The following SLC35E3 variants were observed in gnomAD, a reference collection of about 807,000 sequenced individuals.
SLC35E3 encodes the protein solute carrier family 35 member E3, also known as bladder cancer-overexpressed gene 1 protein.
SLC35E3 carries 28 observed loss-of-function variants against 30.8 expected under a neutral mutation model. The ratio of observed to expected loss-of-function variants is 0.91; its 90% CI spans 0.67 to 1.25. The LOEUF (loss-of-function observed/expected upper bound fraction) is 1.25, where lower values mean the gene tolerates loss of function less well. Ranked by LOEUF, SLC35E3 falls within the 50% of genes most tolerant of loss-of-function variation. The probability of loss-of-function intolerance (pLI) is 0.00; values close to 1 mark genes in which losing one functional copy is unlikely to be tolerated. For missense variants in SLC35E3, 365 were observed against 375.4 expected (o/e 0.97, Z 0.23); for synonymous variants, 146 against 149.2 (o/e 0.98, Z 0.16).
At position 68,778,195 on chromosome 12, in the gene SLC35E3, T is replaced by C. The variant is rs568314164; in HGVS notation, c.*13305T>C. On this transcript the variant is annotated 3_prime_UTR_variant, in exon 5 of 5. Transcript: ENST00000398004. ...ACAAAATAGAATTTGAGGCAAAAAGTGTTAATAGGATCAAGATTTTTTTTT... is the reference window on the plus strand; with the variant it reads ...ACAAAATAGAATTTGAGGCAAAAAGCGTTAATAGGATCAAGATTTTTTTTT... The C allele has an allele frequency of 6.6e-6, 1 of 151,908 alleles. No individual in the cohort carries two copies. The highest frequency in any genetic ancestry group is 1.9e-4 in the East Asian group (1 of 5,188). The allele number at this position is 151,908 out of a possible 1,614,324, so 9.4% of individuals were successfully genotyped here.
intron 4 of SLC35E3, among the ~76,000 whole-genome samples, chr12:68,763,034 G>A (rs1017688542): frequency 3.3e-5 from 5 of 152,218 alleles, no homozygotes; most frequent in Non-Finnish European, 5.9e-5. Context: ...GAGGAAGTAC[G>A]ATCTATGATG....
chr12:68,775,909 T>G lies in SLC35E3; in HGVS notation c.*11019T>G, dbSNP rs1291709958. 1.7e-5 allele frequency: 2 copies of G among 118,736 alleles called. No homozygotes were observed. The highest frequency in any genetic ancestry group is 6.6e-5 in the African/African-American group (2 of 30,122). 7.4% of individuals were successfully genotyped at this position (118,736 alleles called of 1,614,324 possible). A position where few individuals can be genotyped will look rare whatever the true frequency, so the allele number is the denominator to read the frequency against. On this transcript the variant is annotated 3_prime_UTR_variant, in exon 5 of 5. Transcript: ENST00000398004. Reference sequence around the variant, plus strand: ...GTTGCAGTAAGCTGGAATCACACTATTACACTCCAGCCTGGGTGACAAGAG... The same window carrying G: ...GTTGCAGTAAGCTGGAATCACACTAGTACACTCCAGCCTGGGTGACAAGAG...
At chr12:68,755,205 C>T (rs1377032843) in intron 3 of SLC35E3, among the ~76,000 whole-genome samples, 1 of 152,178 alleles carries the variant, frequency 6.6e-6, no homozygotes, top group Non-Finnish European at 1.5e-5. Flanking sequence ...CCCAAAGGCC[C>T]CACCTCCCAA....
chr12:68,750,877 A>G (rs1453230746), intron 2 of SLC35E3, among the ~76,000 whole-genome samples: 1 of 152,182 alleles, frequency 6.6e-6, no homozygotes. Context: ...CTTAGAGTTT[A>G]TGTAACAAGA....
At chr12:68,755,493 T>C (rs1878966157) in intron 3 of SLC35E3, among the ~76,000 whole-genome samples, 1 of 152,228 alleles carries the variant, frequency 6.6e-6, no homozygotes, top group Non-Finnish European at 1.5e-5. Context: ...ACTAATACTA[T>C]TTGTATTAGT....
chr12:68,766,146 C>T lies in SLC35E3; in HGVS notation c.*1256C>T, dbSNP rs1488078300. Reference sequence around the variant, plus strand: ...ATACATTATTCATACATTTATAGGTCATCTCTTTGAGTTTTCAGTGAACTA... The same window carrying T: ...ATACATTATTCATACATTTATAGGTTATCTCTTTGAGTTTTCAGTGAACTA... On this transcript the variant is annotated 3_prime_UTR_variant, in exon 5 of 5. Transcript: ENST00000398004. 6.6e-6 allele frequency: 1 copy of T among 151,708 alleles called. No individual in the cohort carries two copies. The highest frequency in any genetic ancestry group is 1.5e-5 in the Non-Finnish European group (1 of 67,936). 9.4% of individuals were successfully genotyped at this position (151,708 alleles called of 1,614,324 possible). A position where few individuals can be genotyped will look rare whatever the true frequency, so the allele number is the denominator to read the frequency against.
intron 3 of SLC35E3, among the ~76,000 whole-genome samples, chr12:68,757,028 A>C (rs557941855): frequency 6.6e-6 from 1 of 152,348 alleles, no homozygotes; most frequent in South Asian, 2.1e-4. Flanking sequence ...AAATAAATAA[A>C]TAATGGCATG....
In SLC35E3 at chr12:68,764,954, G is replaced by A. The variant is rs1879340138; in HGVS notation, c.*64G>A. On this transcript the variant is annotated 3_prime_UTR_variant, in exon 5 of 5. Coordinates refer to ENST00000398004, the MANE Select transcript of SLC35E3 (RefSeq NM_018656.5). ...ATAAAAAATATTGTTAAGTGTGCAA[G>A]TTATTAAAAAAAAAAAATTGGGCCA... 2 of 1,492,418 alleles carry A rather than the reference G, an allele frequency of 1.3e-6. No homozygotes were observed. The highest frequency in any genetic ancestry group is 1.3e-5 in the South Asian group (1 of 79,974). 92.4% of individuals were successfully genotyped at this position (1,492,418 alleles called of 1,614,324 possible).
rs1053631733 is a variant in SLC35E3, at chr12:68,766,768, A to G, written c.*1878A>G. ...CCTGGCTGATTTTTATATTTTTTGT[A>G]GAGACAGAGTTTTGCCATGTTGCTC... On this transcript the variant is annotated 3_prime_UTR_variant, in exon 5 of 5. Coordinates refer to ENST00000398004, the MANE Select transcript of SLC35E3 (RefSeq NM_018656.5). 1 of 450,596 alleles carries G rather than the reference A, an allele frequency of 2.2e-6. No homozygotes were observed. The highest frequency in any genetic ancestry group is 2.4e-5 in the Admixed American group (1 of 41,692). 27.9% of individuals were successfully genotyped at this position (450,596 alleles called of 1,614,324 possible). A position where few individuals can be genotyped will look rare whatever the true frequency, so the allele number is the denominator to read the frequency against.
At chr12:68,747,263 T>C (rs1225448488) in intron 1 of SLC35E3, among the ~76,000 whole-genome samples, 2 of 141,206 alleles carry the variant, frequency 1.4e-5, no homozygotes, top group Non-Finnish European at 3.1e-5. Context: ...TTAAGGTCTT[T>C]TTCTTTTTTT....
At position 68,770,181 on chromosome 12, in the gene SLC35E3, A is replaced by T. The variant is rs1208627709; in HGVS notation, c.*5291A>T. The T allele has an allele frequency of 2.0e-5, 3 of 152,254 alleles. No homozygotes were observed. Among genetic ancestry groups the T allele is most frequent in the African/African-American group, 7.2e-5 (3 of 41,444 alleles). 9.4% of individuals were successfully genotyped at this position (152,254 alleles called of 1,614,324 possible). Reference sequence around the variant, plus strand: ...TGGAGGAATTGTGATGCTTTTAAAGAACTGTAAAAAGGATGGAGTCTGGAG... The same window carrying T: ...TGGAGGAATTGTGATGCTTTTAAAGTACTGTAAAAAGGATGGAGTCTGGAG... On this transcript the variant is annotated 3_prime_UTR_variant, in exon 5 of 5. Transcript: ENST00000398004.
At chr12:68,764,627 T>A in intron 4 of SLC35E3, 77 bp from the exon 5 acceptor site, 2 of 1,418,410 alleles carry the variant, frequency 1.4e-6, no homozygotes, top group Non-Finnish European at 1.9e-6. Flanking sequence ...TTTGGGTTGT[T>A]TTATGCAGTG....
chr12:68,763,945 G>A (rs1879304485), intron 4 of SLC35E3, among the ~76,000 whole-genome samples: 2 of 152,218 alleles, frequency 1.3e-5, no homozygotes, highest in South Asian at 4.1e-4. Context: ...CTGCAGTGAA[G>A]GTAAACGTGA....
Position 68,765,756 on chromosome 12 carries a change from G to GTT in SLC35E3, c.*867_*868dup, listed in dbSNP as rs1879389920. ...ATATATATATATATATATGGATATG[G>GTT]TTATATATATGGGATGGTTTGGTTG... On this transcript the variant is annotated 3_prime_UTR_variant, in exon 5 of 5. Transcript: ENST00000398004. 1.3e-5 allele frequency: 2 copies of GTT among 148,728 alleles called. No individual in the cohort carries two copies. The highest frequency in any genetic ancestry group is 3.0e-5 in the Non-Finnish European group (2 of 67,398). The allele number at this position is 148,728 out of a possible 1,614,324, so 9.2% of individuals were successfully genotyped here. A position where few individuals can be genotyped will look rare whatever the true frequency, so the allele number is the denominator to read the frequency against.
rs147281597 is a variant in SLC35E3, at chr12:68,761,069, G to A, written c.755+1830G>A. Among the ~76,000 whole-genome samples the A allele has an allele frequency of 4.6e-3, 697 of 152,308 alleles. 3 individuals are homozygous for A. Among genetic ancestry groups the A allele is most frequent in the African/African-American group, 0.014 (577 of 41,562 alleles). On this transcript the variant is annotated intron_variant, in intron 4 of 4. Coordinates refer to ENST00000398004, the MANE Select transcript of SLC35E3 (RefSeq NM_018656.5). ...CAGAGGCAACAGCAGGTGCGAGGCC[G>A]TAAAAAAACCAAGGAAGCCTGTGTG...
chr12:68,752,172 C>T lies in SLC35E3; in HGVS notation c.654C>T (p.Pro218=). The change falls in exon 3 of 5, where the codon CCC becomes CCT. Residue 218 remains proline, a synonymous_variant. Coordinates refer to ENST00000398004, the MANE Select transcript of SLC35E3 (RefSeq NM_018656.5). ...TTGGAGAAGGAGGAATATTTGGTCC[C>T]TGGTCAGTTTCTGCTTTGGTAAGTT... is the stretch of plus-strand genomic sequence containing the variant. ...PVFGEGGIFG[P]WSVSALLMVL... is the part of the protein sequence containing the mutation. The T allele has an allele frequency of 1.9e-6, 3 of 1,611,526 alleles. No homozygotes were observed. The highest frequency in any genetic ancestry group is 2.5e-6 in the Non-Finnish European group (3 of 1,179,330).
intron 3 of SLC35E3, among the ~76,000 whole-genome samples, chr12:68,754,386 T>G (rs1293792722): frequency 1.3e-5 from 2 of 152,078 alleles, no homozygotes; most frequent in African/African-American, 2.4e-5. Context: ...TGGGTTCAAG[T>G]GATTCTTGTG....
rs1443251901 is a variant in SLC35E3 at position 68,765,963 on chromosome 12, T to C, written c.*1073T>C. Reference sequence around the variant, plus strand: ...GAGATTTGTTATTTTGATCAGAGTATTCAAATCAGAATTTAAATCTAGTGT... The same window carrying C: ...GAGATTTGTTATTTTGATCAGAGTACTCAAATCAGAATTTAAATCTAGTGT... On this transcript the variant is annotated 3_prime_UTR_variant, in exon 5 of 5. Transcript: ENST00000398004. 3 of 151,890 alleles carry C rather than the reference T, an allele frequency of 2.0e-5. No homozygotes were observed. The highest frequency in any genetic ancestry group is 4.4e-5 in the Non-Finnish European group (3 of 67,996). The allele number at this position is 151,890 out of a possible 1,614,324, so 9.4% of individuals were successfully genotyped here.
chr12:68,753,071 C>T (rs1427820963), intron 3 of SLC35E3, among the ~76,000 whole-genome samples: 5 of 145,178 alleles, frequency 3.4e-5, no homozygotes, highest in South Asian at 2.2e-4. Flanking sequence ...CACTTGAACC[C>T]GTGAGGTGGA....
Sources: gnomAD v4.1 joint callset for allele counts (sites outside exome capture counted in the v4.1 genomes callset) on GRCh38, gnomAD v4.1.1 for gene constraint, MANE v1.5 for transcripts, NCBI Gene and HGNC (gene_info 2026-07-23, HGNC 2026-07-21) for gene names.